CTNNA2: variants seen among roughly 807,000 people sequenced by gnomAD.
CTNNA2 encodes the protein catenin alpha 2, also known as catenin alpha-2.
CTNNA2 carries 42 observed loss-of-function variants against 101.0 expected under a neutral mutation model. The observed-to-expected ratio is 0.42, with a 90% confidence interval of 0.32 to 0.54. CTNNA2 has a LOEUF of 0.54. Among genes scored for constraint, CTNNA2 ranks in the 20% least tolerant of loss-of-function variants. The pLI, the probability that CTNNA2 is intolerant of heterozygous loss-of-function variation, is 0.14. For missense variants in CTNNA2, 871 were observed against 1,223.1 expected (o/e 0.71, Z 4.29); for synonymous variants, 450 against 456.4 (o/e 0.99, Z 0.18).
At chr2:79,452,793 T>G (rs1224576611) in intron 4 of CTNNA2, among the ~76,000 whole-genome samples, 1 of 152,098 alleles carries the variant, frequency 6.6e-6, no homozygotes, top group East Asian at 1.9e-4. Context: ...TTATAAAGAT[T>G]CCTAATGCAT....
chr2:79,498,376 C>T (rs148771673), intron 4 of CTNNA2, among the ~76,000 whole-genome samples: 6 of 152,268 alleles, frequency 3.9e-5, no homozygotes, highest in African/African-American at 1.2e-4. Context: ...CTGTTTTGAG[C>T]CAGGCCTGGA....
At chr2:79,549,399 T>G (rs1325389863) in intron 1 of CTNNA2, among the ~76,000 whole-genome samples, 1 of 152,202 alleles carries the variant, frequency 6.6e-6, no homozygotes, top group Non-Finnish European at 1.5e-5. Flanking sequence ...TAACTTACAG[T>G]CATTTACATA....
At chr2:79,685,604 G>A (rs1258983692) in intron 2 of CTNNA2, among the ~76,000 whole-genome samples, 7 of 152,134 alleles carry the variant, frequency 4.6e-5, no homozygotes, top group Admixed American at 3.9e-4. Flanking sequence ...TACGGAGATA[G>A]CCTGAAAGTT....
At chr2:79,455,589 G>A (rs1458565550) in intron 4 of CTNNA2, among the ~76,000 whole-genome samples, 2 of 152,138 alleles carry the variant, frequency 1.3e-5, no homozygotes, top group Non-Finnish European at 2.9e-5. Flanking sequence ...TTACCTACAC[G>A]TACCTTTGCA....
intron 2 of CTNNA2, among the ~76,000 whole-genome samples, chr2:79,261,794 C>A (rs1333129859): frequency 1.3e-5 from 2 of 152,208 alleles, no homozygotes; most frequent in Non-Finnish European, 2.9e-5. Context: ...CATAAATTTA[C>A]AAGTAACACA....
chr2:79,260,250 A>T (rs1674902838), intron 2 of CTNNA2, among the ~76,000 whole-genome samples: 1 of 152,088 alleles, frequency 6.6e-6, no homozygotes, highest in African/African-American at 2.4e-5. Context: ...GTGTTCTCCC[A>T]CGGTCTCTCT....
chr2:79,655,753 C>T (rs1235011239), intron 2 of CTNNA2, among the ~76,000 whole-genome samples: 1 of 150,870 alleles, frequency 6.6e-6, no homozygotes, highest in South Asian at 2.1e-4. Context: ...CACTTGAACA[C>T]AGGAGGCAGA....
intron 4 of CTNNA2, among the ~76,000 whole-genome samples, chr2:79,458,022 G>A (rs1266234502): frequency 6.6e-6 from 1 of 152,134 alleles, no homozygotes; most frequent in African/African-American, 2.4e-5. Context: ...GATCTGTGCT[G>A]GAAATACCCA....
At chr2:80,322,591 G>A (rs1030848893) in intron 7 of CTNNA2, among the ~76,000 whole-genome samples, 1 of 151,584 alleles carries the variant, frequency 6.6e-6, no homozygotes, top group Non-Finnish European at 1.5e-5. Flanking sequence ...GGGGCCCCAA[G>A]CGCCAGCCTG....
chr2:80,312,353 G>A (rs1321259097), intron 7 of CTNNA2, among the ~76,000 whole-genome samples: 2 of 152,178 alleles, frequency 1.3e-5, no homozygotes, highest in Non-Finnish European at 2.9e-5. Context: ...CCAGAGTAGC[G>A]GGGTGAGTAG....
At chr2:80,539,489 A>G (rs555863564) in intron 9 of CTNNA2, among the ~76,000 whole-genome samples, 1 of 151,736 alleles carries the variant, frequency 6.6e-6, no homozygotes, top group Non-Finnish European at 1.5e-5. Flanking sequence ...TAAATCTTGC[A>G]GGATGGATAG....
At chr2:79,813,978 C>T (rs1321624027) in intron 3 of CTNNA2, among the ~76,000 whole-genome samples, 1 of 152,114 alleles carries the variant, frequency 6.6e-6, no homozygotes, top group Non-Finnish European at 1.5e-5. Context: ...CTTGTGGTGG[C>T]TGTCAATCCT....
chr2:79,930,624 T>A (rs1687379556), intron 7 of CTNNA2, among the ~76,000 whole-genome samples: 2 of 152,186 alleles, frequency 1.3e-5, no homozygotes, highest in Non-Finnish European at 2.9e-5. Flanking sequence ...CTTCTGACTG[T>A]CAATTAATGA....
chr2:79,238,245 G>A (rs1674581873), intron 2 of CTNNA2, among the ~76,000 whole-genome samples: 1 of 152,074 alleles, frequency 6.6e-6, no homozygotes, highest in Admixed American at 6.5e-5. Flanking sequence ...AGAGATGGGG[G>A]AACAGCTCAT....
Position 80,099,202 on chromosome 2 carries a change from G to A in CTNNA2, c.1056+189405G>A, listed in dbSNP as rs568473127. Among the ~76,000 whole-genome samples, 3 of 152,138 alleles carry A rather than the reference G, an allele frequency of 2.0e-5. No homozygotes were observed. The South Asian group carries it at 6.2e-4, about 32-fold the overall frequency. The stretch of plus-strand genomic sequence containing the variant: ...TGGTTAAAAAACACAGATTCATTAA[G>A]AATAAGTCCTGACTAATTTAGTTAG... On this transcript the variant is annotated intron_variant, in intron 7 of 18. Coordinates refer to ENST00000402739, the MANE Select transcript of CTNNA2 (RefSeq NM_001282597.3).
intron 4 of CTNNA2, among the ~76,000 whole-genome samples, chr2:79,468,276 C>T (rs1186128662): frequency 3.3e-5 from 5 of 151,998 alleles, no homozygotes; most frequent in African/African-American, 7.3e-5. Context: ...TCAAAAGAGA[C>T]AAAGAAGGCC....
At chr2:80,344,254 T>A (rs1425119951) in intron 7 of CTNNA2, among the ~76,000 whole-genome samples, 2 of 152,116 alleles carry the variant, frequency 1.3e-5, no homozygotes, top group African/African-American at 4.8e-5. Context: ...CCTTCTCATC[T>A]CCCTGATCTC....
intron 7 of CTNNA2, among the ~76,000 whole-genome samples, chr2:80,148,523 G>A (rs1573225277): frequency 1.3e-5 from 2 of 152,346 alleles, no homozygotes; most frequent in Admixed American, 6.5e-5. Flanking sequence ...CAATGCACCC[G>A]AGAGAGCAGA....
At chr2:80,495,918 C>T (rs1048462829) in intron 9 of CTNNA2, among the ~76,000 whole-genome samples, 1 of 109,472 alleles carries the variant, frequency 9.1e-6, no homozygotes, top group Non-Finnish European at 1.7e-5. Flanking sequence ...CCAGCCTGGG[C>T]GGCAGAGCAA....
Sources: allele counts gnomAD v4.1 joint callset (sites outside exome capture counted in the v4.1 genomes callset), GRCh38; gene constraint gnomAD v4.1.1; transcripts MANE v1.5; gene names NCBI Gene and HGNC (gene_info 2026-07-23, HGNC 2026-07-21).